PRSS38: variants seen among roughly 807,000 people sequenced by gnomAD.
The protein encoded by PRSS38 is marapsin 2.
Under a neutral mutation model 26.8 loss-of-function variants are expected in PRSS38, and 22 were observed. The ratio of observed to expected loss-of-function variants is 0.82; its 90% CI spans 0.59 to 1.17. PRSS38 has a LOEUF of 1.17. Ranked by LOEUF, PRSS38 falls within the 50% of genes most tolerant of loss-of-function variation. The pLI is 0.00. For synonymous variants in PRSS38, 175 were observed against 172.1 expected, an observed-to-expected ratio of 1.02 and a Z score of -0.13; for missense variants, 427 against 422.7, an observed-to-expected ratio of 1.01 and a Z score of -0.09.
At chr1:227,826,440 G>A (rs1665075015) in intron 3 of PRSS38, among the ~76,000 whole-genome samples, 1 of 152,196 alleles carries the variant, frequency 6.6e-6, no homozygotes, top group African/African-American at 2.4e-5. Flanking sequence ...GAGGCCAAGT[G>A]CGGTGGCTAA....
chr1:227,833,582 T>C (rs141246176), intron 3 of PRSS38, among the ~76,000 whole-genome samples: 1 of 151,670 alleles, frequency 6.6e-6, no homozygotes, highest in Non-Finnish European at 1.5e-5. Context: ...AAATATACCA[T>C]GAAGCTGCAA....
chr1:227,845,463 C>T lies in PRSS38; in HGVS notation c.584-7C>T, dbSNP rs764468528. On this transcript the variant is annotated splice_region_variant and splice_polypyrimidine_tract_variant and intron_variant, in intron 3 of 4. Coordinates refer to ENST00000366757, the Ensembl canonical transcript of PRSS38. ...GCTGCCCCCTCACGGGAGCCCTCCT[C>T]CCACAGGTGAGACCTCAGACGAGCT... 3.1e-6 allele frequency: 5 copies of T among 1,606,884 alleles called. No homozygotes were observed. In the African/African-American group the frequency reaches 5.3e-5, roughly 17 times the overall value.
chr1:227,841,926 G>A (rs1665343022), intron 3 of PRSS38, among the ~76,000 whole-genome samples: 1 of 152,200 alleles, frequency 6.6e-6, no homozygotes, highest in African/African-American at 2.4e-5. Context: ...GCTGGCATCT[G>A]CTTCAGGGCC....
At chr1:227,815,709 C>T (rs371190740) in exon 1 of PRSS38, 36 of 1,576,170 alleles carry the variant, frequency 2.3e-5, no homozygotes, top group Non-Finnish European at 2.9e-5. Context: ...GGCGCTGCCT[C>T]GAGCCTCATG....
chr1:227,845,809 G>A lies in PRSS38; in HGVS notation c.727-145G>A, dbSNP rs1268686292. 6.9e-6 allele frequency: 9 copies of A among 1,296,118 alleles called. No homozygotes were observed. The East Asian group carries it at 2.1e-4, about 30-fold the overall frequency. The allele number at this position is 1,296,118 out of a possible 1,614,324, so 80.3% of individuals were successfully genotyped here. On this transcript the variant is annotated intron_variant, in intron 4 of 4. Transcript: ENST00000366757. ...CCCTGCAACTCTGGGCTGTGTTGCA[G>A]CCAGTAGGGAGGCTGGGTGAGAGGG...
At chr1:227,840,744 G>C (rs1665325489) in intron 3 of PRSS38, among the ~76,000 whole-genome samples, 2 of 152,070 alleles carry the variant, frequency 1.3e-5, no homozygotes, top group Non-Finnish European at 2.9e-5. Context: ...CTTTTCTGTA[G>C]TGCCTTATCC....
chr1:227,828,199 T>A (rs1390484473), intron 3 of PRSS38, among the ~76,000 whole-genome samples: 1 of 152,196 alleles, frequency 6.6e-6, no homozygotes, highest in Non-Finnish European at 1.5e-5. Context: ...TAAGTATCTA[T>A]TAGGTCCACT....
intron 3 of PRSS38, among the ~76,000 whole-genome samples, chr1:227,835,898 G>T (rs764358136): frequency 6.6e-6 from 1 of 152,136 alleles, no homozygotes; most frequent in Non-Finnish European, 1.5e-5. Flanking sequence ...TGATTTGTCT[G>T]CTTTAAAATG....
chr1:227,821,920 A>G (rs1404746069), intron 3 of PRSS38, among the ~76,000 whole-genome samples: 1 of 152,026 alleles, frequency 6.6e-6, no homozygotes, highest in Non-Finnish European at 1.5e-5. Flanking sequence ...TATTCTTTCT[A>G]CCTCATTCTG....
At chr1:227,834,957 C>T (rs113522785) in intron 3 of PRSS38, among the ~76,000 whole-genome samples, 5,356 of 152,058 alleles carry the variant, frequency 0.035, 301 homozygotes, top group African/African-American at 0.12. Flanking sequence ...GCCTAGTATC[C>T]AGAATATATA....
chr1:227,824,082 G>A (rs1428274349), intron 3 of PRSS38, among the ~76,000 whole-genome samples: 2 of 152,104 alleles, frequency 1.3e-5, no homozygotes, highest in African/African-American at 4.8e-5. Context: ...CAACTTTTAA[G>A]TTCAGGGGTA....
Position 227,836,415 on chromosome 1 carries a change from C to T in PRSS38, c.584-9055C>T, listed in dbSNP as rs1440584250. 1.0e-3 allele frequency among the ~76,000 whole-genome samples: 4 copies of T among 3,812 alleles called. 2 individuals are homozygous for T. Among genetic ancestry groups the T allele is most frequent in the African/African-American group, 3.4e-3 (4 of 1,182 alleles). The allele number at this position is 3,812 out of a possible 152,430, so 2.5% of individuals were successfully genotyped here. On this transcript the variant is annotated intron_variant, in intron 3 of 4. Transcript: ENST00000366757. ...TTTAATAAAAGCTTCCGGCCGGGCG[C>T]GGTGGCTCACGCCTGTAATCCCAGC... is the stretch of plus-strand genomic sequence containing the variant.
exon 3 of PRSS38, chr1:227,817,298 G>C: frequency 6.2e-7 from 1 of 1,614,176 alleles, no homozygotes; most frequent in Non-Finnish European, 8.5e-7. Flanking sequence ...GAGGTGAACA[G>C]GGTGATCCTG....
chr1:227,815,907 C>T (rs770454110), intron 1 of PRSS38, 43 bp downstream of exon 1: 15 of 1,563,172 alleles, frequency 9.6e-6, no homozygotes, highest in Non-Finnish European at 1.3e-5. Flanking sequence ...GGAGACAGTG[C>T]CCTTGGGGCG....
chr1:227,842,610 A>C (rs1665354609), intron 3 of PRSS38, among the ~76,000 whole-genome samples: 6 of 139,958 alleles, frequency 4.3e-5, no homozygotes, highest in African/African-American at 5.4e-5. Context: ...ATGGAGTTTC[A>C]CTCTTGTTGC....
intron 3 of PRSS38, among the ~76,000 whole-genome samples, chr1:227,843,965 G>T (rs1558238549): frequency 6.6e-6 from 1 of 152,096 alleles, no homozygotes; most frequent in African/African-American, 2.4e-5. Context: ...TCCAGCCTGG[G>T]TGACAGAGTG....
chr1:227,842,190 C>T (rs1423666342), intron 3 of PRSS38, among the ~76,000 whole-genome samples: 1 of 152,182 alleles, frequency 6.6e-6, no homozygotes, highest in African/African-American at 2.4e-5. Flanking sequence ...AACATCCCAA[C>T]TATAGCAGCA....
intron 3 of PRSS38, among the ~76,000 whole-genome samples, chr1:227,839,341 A>G (rs1471180222): frequency 6.6e-6 from 1 of 152,068 alleles, no homozygotes; most frequent in Non-Finnish European, 1.5e-5. Flanking sequence ...ATGGAGGTGC[A>G]TACCTGTAGT....
At chr1:227,817,933 T>G (rs752363884) in intron 3 of PRSS38, among the ~76,000 whole-genome samples, 11 of 152,230 alleles carry the variant, frequency 7.2e-5, no homozygotes, top group Non-Finnish European at 1.6e-4. Flanking sequence ...TAATTAGCTG[T>G]GACTATGTGT....
Sources: allele counts gnomAD v4.1 joint callset (sites outside exome capture counted in the v4.1 genomes callset), GRCh38; gene constraint gnomAD v4.1.1; transcripts MANE v1.5; gene names NCBI Gene and HGNC (gene_info 2026-07-23, HGNC 2026-07-21).